The following BAZ1A variants were observed in gnomAD, a reference collection of about 807,000 sequenced individuals.
The protein encoded by BAZ1A is bromodomain adjacent to zinc finger domain protein 1A.
BAZ1A carries 50 observed loss-of-function variants against 185.2 expected under a neutral mutation model. The ratio of observed to expected loss-of-function variants is 0.27; its 90% CI spans 0.22 to 0.34. The LOEUF (loss-of-function observed/expected upper bound fraction) is 0.34. BAZ1A is among the 10% of genes least tolerant of loss of function. The pLI, the probability that BAZ1A is intolerant of heterozygous loss-of-function variation, is 1.00. For synonymous variants in BAZ1A, 571 were observed against 615.6 expected (o/e 0.93, Z 1.07); for missense variants, 1,356 against 1,839.9 (o/e 0.74, Z 4.81).
In BAZ1A at chr14:34,823,353, CA is replaced by C. The variant is rs550729836; in HGVS notation, c.536+2659del. On this transcript the variant is annotated intron_variant, in intron 4 of 26. Coordinates refer to ENST00000360310, the MANE Select transcript of BAZ1A (RefSeq NM_013448.3). The stretch of plus-strand genomic sequence containing the variant: ...TGGGCGACAGAGTGAGACTCTGTCT[CA>C]AAAAAAAAAAAAGTTAGTACATGGG... Among the ~76,000 whole-genome samples, 902 of 125,160 alleles carry C rather than the reference CA, an allele frequency of 7.2e-3. 5 individuals carry two copies. Among genetic ancestry groups the C allele is most frequent in the African/African-American group, 0.021 (703 of 33,902 alleles). The allele number at this position is 125,160 out of a possible 152,430, so 82.1% of individuals were successfully genotyped here. A position where few individuals can be genotyped will look rare whatever the true frequency, so the allele number is the denominator to read the frequency against.
chr14:34,812,014 G>A (rs984657092), intron 4 of BAZ1A, among the ~76,000 whole-genome samples: 2 of 152,088 alleles, frequency 1.3e-5, no homozygotes, highest in Non-Finnish European at 2.9e-5. Context: ...CAATATGCCA[G>A]AAACTACTCT....
rs560327228 is a variant in BAZ1A at position 34,775,967 on chromosome 14, T to C, written c.2785A>G (p.Ile929Val). Residue 929 changes from isoleucine to valine, a missense_variant, in exon 18 of 27, where the codon ATA (isoleucine) becomes GTA (valine). Ile to Val is a conservative substitution (Grantham distance 29). Coordinates refer to ENST00000360310, the MANE Select transcript of BAZ1A (RefSeq NM_013448.3). ...GAAAAACGGGCTAGCTGTGCACATA[T>C]TCTGCTTTTCTCTTGTAACAAAGTT... Reference protein sequence around the residue: ...KETLLQEKSRICAQLARFSEE... With the variant: ...KETLLQEKSRVCAQLARFSEE... The C allele has an allele frequency of 2.4e-5, 38 of 1,612,586 alleles. No homozygotes were observed. The East Asian group carries it at 2.5e-4, about 10-fold the overall frequency.
chr14:34,837,491 A>T (rs1255156087), intron 3 of BAZ1A, among the ~76,000 whole-genome samples: 1 of 149,914 alleles, frequency 6.7e-6, no homozygotes, highest in African/African-American at 2.5e-5. Context: ...CTCCTGCCTC[A>T]GTCTCTCCAA....
In BAZ1A at chr14:34,754,939, G is replaced by A. The variant is rs1246027226; in HGVS notation, c.4387-25C>T. On this transcript the variant is annotated intron_variant, in intron 25 of 26. Transcript: ENST00000360310. ...CCTGTAAAATAATTCAAATATCTCT[G>A]TCCACACAGAAAACTTAACTGGAAA... is the stretch of plus-strand genomic sequence containing the variant. 3.3e-6 allele frequency: 5 copies of A among 1,528,814 alleles called. No individual in the cohort carries two copies. The Admixed American group carries it at 6.4e-5, about 20-fold the overall frequency. The allele number at this position is 1,528,814 out of a possible 1,614,324, so 94.7% of individuals were successfully genotyped here.
chr14:34,762,713 G>A (rs1445366789), intron 23 of BAZ1A, among the ~76,000 whole-genome samples: 1 of 152,094 alleles, frequency 6.6e-6, no homozygotes, highest in Non-Finnish European at 1.5e-5. Flanking sequence ...CAGGCGATCT[G>A]CATGCCTCGG....
chr14:34,766,328 G>A (rs1014167800), intron 21 of BAZ1A, among the ~76,000 whole-genome samples: 1 of 152,148 alleles, frequency 6.6e-6, no homozygotes, highest in Non-Finnish European at 1.5e-5. Context: ...CTATTCTATG[G>A]TCCCTATCTT....
chr14:34,764,990 C>T (rs1168958482), intron 22 of BAZ1A, 31 bp downstream of exon 22: 1 of 1,612,982 alleles, frequency 6.2e-7, no homozygotes, highest in African/African-American at 1.3e-5. Flanking sequence ...CTTAATGTCT[C>T]ATTTCTAATC....
intron 3 of BAZ1A, among the ~76,000 whole-genome samples, chr14:34,844,675 G>A (rs1280718227): frequency 6.6e-6 from 1 of 151,646 alleles, no homozygotes; most frequent in African/African-American, 2.4e-5. Flanking sequence ...CCAGCCACTG[G>A]GGAGGATAAC....
chr14:34,847,752 T>G (rs550400161), intron 3 of BAZ1A, among the ~76,000 whole-genome samples: 1 of 152,228 alleles, frequency 6.6e-6, no homozygotes, highest in Non-Finnish European at 1.5e-5. Flanking sequence ...CAGCACTTAA[T>G]TTAGGCTAGC....
At chr14:34,846,432 CACT>C (rs745773690) in intron 3 of BAZ1A, among the ~76,000 whole-genome samples, 4 of 152,174 alleles carry the variant, frequency 2.6e-5, no homozygotes, top group Non-Finnish European at 5.9e-5. Flanking sequence ...TCCTGATAGC[CACT>C]ACAATTTGGA....
intron 12 of BAZ1A, among the ~76,000 whole-genome samples, chr14:34,787,214 G>A (rs1057405650): frequency 6.6e-6 from 1 of 151,108 alleles, no homozygotes; most frequent in Non-Finnish European, 1.5e-5. Context: ...TTAGCTGGGT[G>A]TGGTGGCGCA....
intron 2 of BAZ1A, among the ~76,000 whole-genome samples, chr14:34,867,223 C>T (rs1240587591): frequency 6.6e-6 from 1 of 151,988 alleles, no homozygotes; most frequent in East Asian, 1.9e-4. Flanking sequence ...TGTGCCACTG[C>T]ACTCCAGCCA....
rs536691943 is a variant in BAZ1A at position 34,772,610 on chromosome 14, T to G, written c.3153-951A>C. On this transcript the variant is annotated intron_variant, in intron 20 of 26. Transcript: ENST00000360310. The stretch of plus-strand genomic sequence containing the variant: ...ATATAGATTCTGATTAGTAATAATA[T>G]TTAATACTTATACTTATTTAGAGAT... Among the ~76,000 whole-genome samples, 579 of 152,348 alleles carry G rather than the reference T, an allele frequency of 3.8e-3. 3 individuals are homozygous for G. The highest frequency in any genetic ancestry group is 0.014 in the African/African-American group (565 of 41,568).
intron 2 of BAZ1A, among the ~76,000 whole-genome samples, chr14:34,871,675 C>G (rs755895611): frequency 1.3e-5 from 2 of 152,222 alleles, no homozygotes; most frequent in Non-Finnish European, 2.9e-5. Flanking sequence ...GAGATCCAGA[C>G]CATTCTGGCC....
chr14:34,789,062 C>T (rs187994659), intron 12 of BAZ1A, among the ~76,000 whole-genome samples: 1 of 152,148 alleles, frequency 6.6e-6, no homozygotes, highest in African/African-American at 2.4e-5. Flanking sequence ...TCCTACCAGA[C>T]CTAATCTAGC....
intron 3 of BAZ1A, among the ~76,000 whole-genome samples, chr14:34,838,583 G>A (rs534797209): frequency 6.6e-6 from 1 of 151,460 alleles, no homozygotes; most frequent in South Asian, 2.1e-4. Context: ...GTTCAGTGGC[G>A]CAATCTCGGC....
At chr14:34,775,315 T>C (rs1879523617) in intron 18 of BAZ1A, among the ~76,000 whole-genome samples, 1 of 152,364 alleles carries the variant, frequency 6.6e-6, no homozygotes, top group Non-Finnish European at 1.5e-5. Context: ...TTTAAAATTT[T>C]GATTTAATTT....
intron 21 of BAZ1A, among the ~76,000 whole-genome samples, chr14:34,769,760 T>C (rs1390525274): frequency 6.6e-6 from 1 of 152,216 alleles, no homozygotes; most frequent in Non-Finnish European, 1.5e-5. Context: ...TTGCAAATAA[T>C]TTTAAATTGA....
intron 25 of BAZ1A, among the ~76,000 whole-genome samples, chr14:34,755,320 C>T (rs866126376): frequency 6.6e-6 from 1 of 152,130 alleles, no homozygotes; most frequent in Non-Finnish European, 1.5e-5. Context: ...CTCATTCTTG[C>T]TCTAGAAGTC....
Sources: allele counts gnomAD v4.1 joint callset (sites outside exome capture counted in the v4.1 genomes callset), GRCh38; gene constraint gnomAD v4.1.1; transcripts MANE v1.5; gene names NCBI Gene and HGNC (gene_info 2026-07-23, HGNC 2026-07-21).